Variants in TENM2 observed in about 807,000 individuals in gnomAD.
TENM2 encodes the protein teneurin transmembrane protein 2.
Under a neutral mutation model 245.2 loss-of-function variants are expected in TENM2, and 52 were observed. The ratio of observed to expected loss-of-function variants is 0.21; its 90% CI spans 0.17 to 0.27. The LOEUF (loss-of-function observed/expected upper bound fraction) is 0.27. Ranked by LOEUF, TENM2 falls within the 10% of genes least tolerant of loss-of-function variation. TENM2 has a pLI of 1.00. For missense variants in TENM2, 3,046 were observed against 3,666.8 expected, an observed-to-expected ratio of 0.83 and a Z score of 4.37; for synonymous variants, 1,363 against 1,438.9, an observed-to-expected ratio of 0.95 and a Z score of 1.19.
rs796594321 is a variant in TENM2, at chr5:167,469,455, A to G, written c.502+93982A>G. 6.6e-5 allele frequency among the ~76,000 whole-genome samples: 10 copies of G among 152,154 alleles called. No individual in the cohort carries two copies. In the South Asian group the frequency reaches 8.3e-4, roughly 13 times the overall value. ...TTTTCTAAATTTAGGCTTAAATGCA[A>G]TATGTTAGACACAACTCTGGATGTC... On this transcript the variant is annotated intron_variant, in intron 2 of 28. Transcript: ENST00000518659.
chr5:168,248,191 C>T (rs773334796), exon 27 of TENM2: 7 of 1,614,044 alleles, frequency 4.3e-6, no homozygotes, highest in Non-Finnish European at 4.2e-6. Flanking sequence ...ACTCTATGAC[C>T]CCCTGACCAA....
chr5:167,245,636 G>C, the TENM2 span, among the ~76,000 whole-genome samples: 1 of 151,566 alleles, frequency 6.6e-6, no homozygotes, highest in Admixed American at 6.6e-5. Context: ...ATAGGACAAT[G>C]GTTCAATAAG....
chr5:167,590,717 AT>A (rs1039942881), intron 2 of TENM2, among the ~76,000 whole-genome samples: 11 of 151,800 alleles, frequency 7.2e-5, no homozygotes, highest in African/African-American at 2.4e-4. Context: ...TTGGTAAGGT[AT>A]TTTTTTAGTC....
chr5:167,085,492 A>G, the TENM2 span, among the ~76,000 whole-genome samples: 3 of 152,196 alleles, frequency 2.0e-5, no homozygotes, highest in African/African-American at 7.2e-5. Flanking sequence ...ACTGTTTACT[A>G]TTCACTAGGC....
At position 168,236,980 on chromosome 5, in the gene TENM2, A is replaced by T. The variant is rs1449423951; in HGVS notation, c.5521-7440A>T. ...TATATATATATATATATATATATAT[A>T]TATATATATATATATATATATTTTT... On this transcript the variant is annotated intron_variant, in intron 25 of 28. Coordinates refer to ENST00000518659, the Ensembl canonical transcript of TENM2. Among the ~76,000 whole-genome samples the T allele has an allele frequency of 1.9e-3, 7 of 3,634 alleles. 1 individual carries two copies. The highest frequency in any genetic ancestry group is 3.4e-3 in the African/African-American group (3 of 886). The allele number at this position is 3,634 out of a possible 152,430, so 2.4% of individuals were successfully genotyped here.
rs1778572041 is a variant in TENM2 at position 167,934,853 on chromosome 5, A to G, written c.713-17735A>G. 3.4e-5 allele frequency: 34 copies of G among 985,546 alleles called. No individual in the cohort carries two copies. The South Asian group carries it at 1.4e-3, about 41-fold the overall frequency. The allele number at this position is 985,546 out of a possible 1,614,324, so 61.1% of individuals were successfully genotyped here. Reference sequence around the variant, plus strand: ...CAGCTAGCAAAGACCAGTGCAACGGAGGAGGCTTAGCTTAGTACGCGTTCG... The same window carrying G: ...CAGCTAGCAAAGACCAGTGCAACGGGGGAGGCTTAGCTTAGTACGCGTTCG... On this transcript the variant is annotated intron_variant, in intron 3 of 28. Coordinates refer to ENST00000518659, the Ensembl canonical transcript of TENM2.
chr5:167,184,040 A>T, the TENM2 span, among the ~76,000 whole-genome samples: 4 of 152,290 alleles, frequency 2.6e-5, no homozygotes, highest in African/African-American at 9.6e-5. Flanking sequence ...TTATTTTTAG[A>T]TCTATTTTTG....
chr5:167,267,837 T>G, the TENM2 span, among the ~76,000 whole-genome samples: 1 of 152,196 alleles, frequency 6.6e-6, no homozygotes, highest in African/African-American at 2.4e-5. Flanking sequence ...CACAAAATTT[T>G]TTATGGGGCT....
chr5:167,071,878 G>GCCCCCCCCCCCCCCCCCCACCCC, the TENM2 span, among the ~76,000 whole-genome samples: 1 of 124,026 alleles, frequency 8.1e-6, no homozygotes, highest in African/African-American at 2.9e-5. Flanking sequence ...TTGACAAATC[G>GCCCCCCCCCCCCCCCCCCACCCC]CCCCCCCCCG....
chr5:168,034,174 C>T (rs201133879), intron 5 of TENM2, among the ~76,000 whole-genome samples: 125 of 63,798 alleles, frequency 2.0e-3, no homozygotes, highest in African/African-American at 6.4e-3. Flanking sequence ...TATATATATA[C>T]ACACACACAC....
intron 7 of TENM2, among the ~76,000 whole-genome samples, chr5:168,080,582 C>T (rs1272985670): frequency 1.3e-5 from 2 of 151,984 alleles, no homozygotes; most frequent in African/African-American, 4.8e-5. Flanking sequence ...CTATAAATTT[C>T]CCTCTACACA....
chr5:167,867,838 G>T (rs1168043385), intron 2 of TENM2, among the ~76,000 whole-genome samples: 1 of 152,078 alleles, frequency 6.6e-6, no homozygotes, highest in African/African-American at 2.4e-5. Flanking sequence ...TCGCCTCTGG[G>T]GAAAAGCATG....
chr5:168,195,776 G>A (rs1348225141), intron 15 of TENM2, among the ~76,000 whole-genome samples: 1 of 151,894 alleles, frequency 6.6e-6, no homozygotes, highest in East Asian at 1.9e-4. Flanking sequence ...TGTTGTTTTC[G>A]CTACTGTTTG....
chr5:167,059,628 G>A, the TENM2 span, among the ~76,000 whole-genome samples: 22 of 139,424 alleles, frequency 1.6e-4, no homozygotes, highest in African/African-American at 6.0e-4. Flanking sequence ...ACTGAAAGCT[G>A]GTTACTAACA....
chr5:167,617,795 A>T (rs1561605986), intron 2 of TENM2, among the ~76,000 whole-genome samples: 1 of 152,214 alleles, frequency 6.6e-6, no homozygotes, highest in Non-Finnish European at 1.5e-5. Context: ...GGTTAAGTAA[A>T]AAAAGAATCA....
intron 4 of TENM2, among the ~76,000 whole-genome samples, chr5:167,972,515 A>G (rs1340532622): frequency 6.6e-6 from 1 of 152,212 alleles, no homozygotes; most frequent in African/African-American, 2.4e-5. Context: ...CAAATCTGTA[A>G]TGAAACATCT....
chr5:167,580,538 CTT>C (rs1041464174), intron 2 of TENM2, among the ~76,000 whole-genome samples: 1 of 152,200 alleles, frequency 6.6e-6, no homozygotes, highest in Admixed American at 6.5e-5. Flanking sequence ...CTGAAAGCCT[CTT>C]AGATACCACA....
chr5:167,711,707 T>A (rs773599303), intron 2 of TENM2, among the ~76,000 whole-genome samples: 27 of 152,134 alleles, frequency 1.8e-4, no homozygotes, highest in Non-Finnish European at 1.9e-4. Context: ...TCAGTCCCCC[T>A]TCCTGTTTTG....
exon 1 of TENM2, chr5:167,284,952 T>C: frequency 6.4e-7 from 1 of 1,551,764 alleles, no homozygotes. Flanking sequence ...CACACAGAAA[T>C]CCTACAGCTC....
Sources: gnomAD v4.1 joint callset for allele counts (sites outside exome capture counted in the v4.1 genomes callset) on GRCh38, gnomAD v4.1.1 for gene constraint, MANE v1.5 for transcripts, NCBI Gene and HGNC (gene_info 2026-07-23, HGNC 2026-07-21) for gene names.